The following TNS4 variants were observed in gnomAD, a reference collection of about 807,000 sequenced individuals.
TNS4 encodes tensin-4.
Under a neutral mutation model 70.4 loss-of-function variants are expected in TNS4, and 46 were observed. The observed-to-expected ratio is 0.65, with a 90% CI of 0.52 to 0.84. The LOEUF (loss-of-function observed/expected upper bound fraction) is 0.84, where lower values mean the gene tolerates loss of function less well. TNS4 is among the 40% of genes least tolerant of loss of function. The pLI is 0.00. For missense variants in TNS4, 863 were observed against 907.0 expected, an observed-to-expected ratio of 0.95 and a Z score of 0.62; for synonymous variants, 390 against 366.6, an observed-to-expected ratio of 1.06 and a Z score of -0.73.
chr17:40,497,281 G>C (rs1485681278), intron 1 of TNS4, among the ~76,000 whole-genome samples: 1 of 152,158 alleles, frequency 6.6e-6, no homozygotes, highest in Admixed American at 6.6e-5. Context: ...AGTTGAGTAG[G>C]GATGAGGAGG....
At chr17:40,491,573 C>A (rs1358183030) in intron 2 of TNS4, among the ~76,000 whole-genome samples, 10 of 152,122 alleles carry the variant, frequency 6.6e-5, no homozygotes, top group Non-Finnish European at 1.2e-4. Context: ...TGGGGAGGGT[C>A]TCTTGGCACA....
At chr17:40,495,719 T>C (rs916789481) in intron 2 of TNS4, among the ~76,000 whole-genome samples, 3 of 152,176 alleles carry the variant, frequency 2.0e-5, no homozygotes, top group Admixed American at 6.5e-5. Context: ...ACACTTTCCA[T>C]AGGAGCTTAT....
rs978760940 is a variant in TNS4, at chr17:40,477,430, G to C, written c.*158C>G. The C allele has an allele frequency of 1.1e-6, 1 of 921,266 alleles. No individual in the cohort carries two copies. The highest frequency in any genetic ancestry group is 2.7e-5 in the East Asian group (1 of 37,724). 57.1% of individuals were successfully genotyped at this position (921,266 alleles called of 1,614,324 possible). On this transcript the variant is annotated 3_prime_UTR_variant, in exon 13 of 13. Transcript: ENST00000254051. ...GTCTGGATGATGGTGACTGCTGAAG[G>C]CCATAGCAGGTTCAAGGGTGTCAAC...
rs1463336848 is a variant in TNS4 at position 40,487,218 on chromosome 17, A to G, written c.1106T>C (p.Met369Thr). ...GATCAGCACAATGGGTATGTCCACC[A>G]TGGAGTTGGTGATGGATGGGGGGCA... ...SSCPPSITNS[M>T]VDIPIVLING... The change falls in exon 4 of 13, where the codon ATG becomes ACG. Residue 369 changes from methionine to threonine, a missense_variant. Transcript: ENST00000254051. The G allele has an allele frequency of 1.7e-5, 27 of 1,614,160 alleles. No individual in the cohort carries two copies. In the East Asian group the frequency reaches 5.1e-4, roughly 31 times the overall value.
intron 1 of TNS4, among the ~76,000 whole-genome samples, chr17:40,499,347 CG>C (rs1362432567): frequency 6.6e-6 from 1 of 152,184 alleles, no homozygotes; most frequent in East Asian, 1.9e-4. Context: ...AATGCTCACT[CG>C]GGGAGCTCGG....
rs11463268 is a variant in TNS4, at chr17:40,489,796, C to CAA, written c.440-829_440-828dup. ...AGTGACAAGAGTGAAGCCCCATCTC[C>CAA]AAAAAAAAAAAAAAAAAGGAAGTGG... On this transcript the variant is annotated intron_variant, in intron 2 of 12. Coordinates refer to ENST00000254051, the MANE Select transcript of TNS4 (RefSeq NM_032865.6). 4.6e-3 allele frequency among the ~76,000 whole-genome samples: 490 copies of CAA among 105,578 alleles called. 9 individuals carry two copies. Among genetic ancestry groups the CAA allele is most frequent in the African/African-American group, 0.015 (410 of 26,942 alleles). The allele number at this position is 105,578 out of a possible 152,430, so 69.3% of individuals were successfully genotyped here. A position where few individuals can be genotyped will look rare whatever the true frequency, so the allele number is the denominator to read the frequency against.
chr17:40,490,994 G>T (rs2036060336), intron 2 of TNS4, among the ~76,000 whole-genome samples: 1 of 152,212 alleles, frequency 6.6e-6, no homozygotes, highest in African/African-American at 2.4e-5. Flanking sequence ...CTAAGGTGGG[G>T]ATCTCTCTGC....
chr17:40,489,388 A>C lies in TNS4; in HGVS notation c.440-419T>G, dbSNP rs115072469. On this transcript the variant is annotated intron_variant, in intron 2 of 12. Coordinates refer to ENST00000254051, the MANE Select transcript of TNS4 (RefSeq NM_032865.6). ...CAGCACAGCACTGTTCCCGGCACAG[A>C]CCAGGTGCTTAAAAACTGGGCAACT... Among the ~76,000 whole-genome samples, 830 of 152,308 alleles carry C rather than the reference A, an allele frequency of 5.4e-3. 11 individuals carry two copies. Among genetic ancestry groups the C allele is most frequent in the African/African-American group, 0.019 (773 of 41,564 alleles).
At chr17:40,480,647 G>T in intron 9 of TNS4, 53 bp downstream of exon 9, 1 of 1,458,366 alleles carries the variant, frequency 6.9e-7, no homozygotes, top group Non-Finnish European at 9.0e-7. Context: ...GGGTTGGGAG[G>T]TGCCCTCTTG....
chr17:40,478,810 G>C (rs959746288), intron 10 of TNS4, among the ~76,000 whole-genome samples, 162 bp from the exon 11 acceptor site: 7 of 152,224 alleles, frequency 4.6e-5, no homozygotes, highest in Non-Finnish European at 1.0e-4. Flanking sequence ...GGGGGGCCCT[G>C]GCGCCCCGCT....
intron 2 of TNS4, among the ~76,000 whole-genome samples, chr17:40,495,442 A>C (rs2036129888): frequency 6.6e-6 from 1 of 152,104 alleles, no homozygotes; most frequent in Admixed American, 6.6e-5. Context: ...CTGCTCCCCA[A>C]CCAGAGAGCC....
intron 10 of TNS4, 97 bp downstream of exon 10, chr17:40,479,577 G>T: frequency 6.8e-7 from 1 of 1,479,960 alleles, no homozygotes. Context: ...CCAGAACCCT[G>T]AACTTGACCT....
chr17:40,487,576 T>C, intron 3 of TNS4, 116 bp from the exon 4 acceptor site: 1 of 1,055,176 alleles, frequency 9.5e-7, no homozygotes, highest in African/African-American at 1.6e-5. Context: ...AATAGAACAC[T>C]GCATACCCCA....
intron 3 of TNS4, 61 bp downstream of exon 3, chr17:40,488,485 G>T (rs959126072): frequency 7.1e-7 from 1 of 1,401,144 alleles, no homozygotes; most frequent in Admixed American, 2.7e-5. Context: ...GTGATTTTAG[G>T]GGGTGCATGC....
At chr17:40,491,188 G>A (rs1441285096) in intron 2 of TNS4, among the ~76,000 whole-genome samples, 1 of 152,180 alleles carries the variant, frequency 6.6e-6, no homozygotes, top group Non-Finnish European at 1.5e-5. Context: ...CTTGAGCAGG[G>A]CAGGCATTAT....
chr17:40,479,977 A>C, intron 9 of TNS4, 135 bp from the exon 10 acceptor site: 6 of 1,131,068 alleles, frequency 5.3e-6, no homozygotes, highest in Admixed American at 2.8e-5. Flanking sequence ...ACCCAACAGA[A>C]AGTGGGTGTG....
intron 2 of TNS4, among the ~76,000 whole-genome samples, chr17:40,495,216 G>A (rs940425504): frequency 2.0e-5 from 3 of 152,046 alleles, no homozygotes; most frequent in Non-Finnish European, 2.9e-5. Context: ...ATTATTTTAC[G>A]ACAGTGTCTC....
chr17:40,490,428 T>C (rs1341849304), intron 2 of TNS4, among the ~76,000 whole-genome samples: 1 of 152,364 alleles, frequency 6.6e-6, no homozygotes, highest in East Asian at 1.9e-4. Flanking sequence ...CGCTCCTTTC[T>C]GAAGAGTGTG....
chr17:40,481,431 C>T (rs2035920302), intron 8 of TNS4, among the ~76,000 whole-genome samples: 1 of 152,186 alleles, frequency 6.6e-6, no homozygotes. Flanking sequence ...GTGGTGCGAT[C>T]TTAGCTCACT....
Sources: allele counts gnomAD v4.1 joint callset (sites outside exome capture counted in the v4.1 genomes callset), GRCh38; gene constraint gnomAD v4.1.1; transcripts MANE v1.5; gene names NCBI Gene and HGNC (gene_info 2026-07-23, HGNC 2026-07-21).